The following TJP1 variants were observed in gnomAD, a reference collection of about 807,000 sequenced individuals.
TJP1 encodes tight junction protein 1, also known as tight junction protein ZO-1.
In TJP1, 43 loss-of-function variants were observed where a neutral mutation model predicts 194.2. The observed-to-expected ratio is 0.22, with a 90% confidence interval of 0.17 to 0.29. TJP1 has a LOEUF of 0.29. Among genes scored for constraint, TJP1 ranks in the 10% least tolerant of loss-of-function variants. The probability of loss-of-function intolerance (pLI) is 1.00; values close to 1 mark genes in which losing one functional copy is unlikely to be tolerated. For missense variants in TJP1, 1,971 were observed against 2,185.7 expected (o/e 0.90, Z 1.96); for synonymous variants, 801 against 779.0 (o/e 1.03, Z -0.47).
chr15:29,752,031 C>T (rs1278592050), intron 8 of TJP1, among the ~76,000 whole-genome samples: 3 of 152,136 alleles, frequency 2.0e-5, no homozygotes, highest in Admixed American at 1.3e-4. Flanking sequence ...CTCAAGCAGG[C>T]GATCCTTCCA....
At chr15:29,728,107 C>T (rs1359818807) in intron 15 of TJP1, 88 bp from the exon 16 acceptor site, 14 of 1,054,800 alleles carry the variant, frequency 1.3e-5, no homozygotes, top group East Asian at 1.2e-4. Context: ...ACTGATATGC[C>T]GGACTGGATA....
In TJP1 at chr15:29,956,900, T is replaced by TA. The variant is rs201047644; in HGVS notation, c.174-537dup. Among the ~76,000 whole-genome samples the TA allele has an allele frequency of 2.0e-3, 296 of 146,374 alleles. 2 individuals carry two copies. Among genetic ancestry groups the TA allele is most frequent in the African/African-American group, 6.7e-3 (272 of 40,434 alleles). On this transcript the variant is annotated intron_variant, in intron 1 of 28. Transcript: ENST00000356107. ...CTGTCTCATTTATAAGGTTTTTTTT[T>TA]AAAAAAAGATTCATTAAATATCAAT...
chr15:29,864,237 C>CAAAAAAAAAAAAAAAAAAAAAAAAAAAA (rs397975539), intron 2 of TJP1, among the ~76,000 whole-genome samples: 2 of 18,944 alleles, frequency 1.1e-4, no homozygotes, highest in African/African-American at 1.5e-4. Context: ...ACTAAAAATA[C>CAAAAAAAAAAAAAAAAAAAAAAAAAAAA]AAAAAAAAAA....
intron 27 of TJP1, among the ~76,000 whole-genome samples, chr15:29,703,495 T>C (rs996054915): frequency 2.6e-5 from 4 of 151,762 alleles, no homozygotes; most frequent in Non-Finnish European, 4.4e-5. Flanking sequence ...TAACCAAAAA[T>C]AGAAATAGTT....
chr15:29,885,550 C>CT (rs1286478996), intron 2 of TJP1, among the ~76,000 whole-genome samples: 1 of 152,258 alleles, frequency 6.6e-6, no homozygotes, highest in African/African-American at 2.4e-5. Context: ...TAGCAGACAA[C>CT]TGCCCTGCTA....
intron 18 of TJP1, among the ~76,000 whole-genome samples, chr15:29,725,486 G>A (rs1337830052): frequency 6.6e-6 from 1 of 151,832 alleles, no homozygotes. Context: ...CAACAAGGAA[G>A]TACAAAGAAC....
At chr15:29,903,259 A>G (rs1319395512) in intron 2 of TJP1, among the ~76,000 whole-genome samples, 3 of 152,246 alleles carry the variant, frequency 2.0e-5, no homozygotes, top group Non-Finnish European at 2.9e-5. Context: ...ATATTTTATA[A>G]AGGCACAAAC....
In TJP1 at chr15:29,942,760, C is replaced by A. The variant is rs148576856; in HGVS notation, c.306+13472G>T. On this transcript the variant is annotated intron_variant, in intron 2 of 28. Transcript: ENST00000356107. ...ATGTCCCGTGCAGTTCACTGACACCCAGGTTAGCAACACAGGCTGTATGCT... is the reference window on the plus strand; with the variant it reads ...ATGTCCCGTGCAGTTCACTGACACCAAGGTTAGCAACACAGGCTGTATGCT... Among the ~76,000 whole-genome samples, 971 of 152,310 alleles carry A rather than the reference C, an allele frequency of 6.4e-3. 10 individuals carry two copies. Among genetic ancestry groups the A allele is most frequent in the African/African-American group, 0.022 (921 of 41,568 alleles).
chr15:29,873,289 C>T (rs1477902764), intron 2 of TJP1, among the ~76,000 whole-genome samples: 3 of 152,206 alleles, frequency 2.0e-5, no homozygotes, highest in African/African-American at 4.8e-5. Context: ...ACACTAAACA[C>T]TTGTGGGAAA....
chr15:29,900,665 C>A (rs1475597494), intron 2 of TJP1, among the ~76,000 whole-genome samples: 1 of 152,324 alleles, frequency 6.6e-6, no homozygotes, highest in East Asian at 1.9e-4. Flanking sequence ...TTGTTTCTGA[C>A]CCCGAGGACT....
chr15:29,705,855 A>G (rs1382639480), intron 25 of TJP1, 110 bp from the exon 26 acceptor site: 1 of 884,514 alleles, frequency 1.1e-6, no homozygotes, highest in Non-Finnish European at 1.7e-6. Flanking sequence ...TATAATCAAG[A>G]AGTTACTTTA....
At chr15:29,723,530 TAA>T (rs554657323) in intron 18 of TJP1, among the ~76,000 whole-genome samples, 82 of 152,326 alleles carry the variant, frequency 5.4e-4, no homozygotes, top group Middle Eastern at 3.4e-3. Context: ...CTTTTCTTTA[TAA>T]GTTACCCGGT....
intron 1 of TJP1, among the ~76,000 whole-genome samples, chr15:29,963,096 G>A (rs930024716): frequency 5.9e-5 from 9 of 152,126 alleles, no homozygotes; most frequent in Non-Finnish European, 8.8e-5. Flanking sequence ...AGCTGAGATC[G>A]CGCCATTGCA....
chr15:29,905,169 C>T (rs1338866756), intron 2 of TJP1, among the ~76,000 whole-genome samples: 1 of 152,170 alleles, frequency 6.6e-6, no homozygotes, highest in African/African-American at 2.4e-5. Context: ...TACAGTCATC[C>T]TCAGGCCTGT....
chr15:29,867,897 A>G (rs2052363116), intron 2 of TJP1, among the ~76,000 whole-genome samples: 3 of 152,242 alleles, frequency 2.0e-5, no homozygotes, highest in Admixed American at 2.0e-4. Context: ...CTCTACAAAA[A>G]GTACAAAAAT....
intron 2 of TJP1, among the ~76,000 whole-genome samples, chr15:29,862,315 G>T (rs1273525392): frequency 1.3e-5 from 2 of 152,208 alleles, no homozygotes; most frequent in Non-Finnish European, 2.9e-5. Flanking sequence ...TAAGTCCAGT[G>T]AGAGAGGTAA....
At position 29,732,765 on chromosome 15, in the gene TJP1, C is replaced by G. The variant is rs752552533; in HGVS notation, c.1787G>C (p.Gly596Ala). Residue 596 changes from glycine to alanine, a missense_variant, in exon 14 of 28, where the codon GGA becomes GCA. Gly to Ala is a moderately conservative substitution (Grantham distance 60). This residue lies in a region of TJP1 where 402 missense variants were observed against 484.2 expected (regional missense o/e 0.83). Coordinates refer to ENST00000614355, the MANE Select transcript of TJP1 (RefSeq NM_001330239.4). ...GAATCTCCAGAAGTCAGCACGGTCTCCGCCTGCTGTTTTTGGAAGTGTATA... is the reference window on the plus strand; with the variant it reads ...GAATCTCCAGAAGTCAGCACGGTCTGCGCCTGCTGTTTTTGGAAGTGTATA... ...VQYTLPKTAGGDRADFWRFRG... is the reference protein window; with the variant it reads ...VQYTLPKTAGADRADFWRFRG... 6.2e-7 allele frequency: 1 copy of G among 1,613,984 alleles called. No homozygotes were observed. The highest frequency in any genetic ancestry group is 1.1e-5 in the South Asian group (1 of 91,054).
At chr15:29,810,200 T>C (rs1260438842) in intron 1 of TJP1, among the ~76,000 whole-genome samples, 7 of 152,176 alleles carry the variant, frequency 4.6e-5, no homozygotes, top group African/African-American at 1.7e-4. Flanking sequence ...TTCAAAATAA[T>C]GGGGAAGAGA....
chr15:29,886,598 T>C (rs148076175), intron 2 of TJP1, among the ~76,000 whole-genome samples: 3,561 of 149,552 alleles, frequency 0.024, 60 homozygotes, highest in Middle Eastern at 0.044. Context: ...AGAGAGGCCA[T>C]GTCTTAAAAA....
Sources: gnomAD v4.1 joint callset for allele counts (sites outside exome capture counted in the v4.1 genomes callset) on GRCh38, gnomAD v4.1.1 for gene constraint, gnomAD v4.1.1 regional missense constraint, MANE v1.5 for transcripts, NCBI Gene and HGNC (gene_info 2026-07-23, HGNC 2026-07-21) for gene names.